Variants in LRRFIP1 observed in about 807,000 individuals in gnomAD.
LRRFIP1 encodes LRR binding FLII interacting protein 1.
LRRFIP1 carries 62 observed loss-of-function variants against 104.4 expected under a neutral mutation model. The observed-to-expected ratio is 0.59, with a 90% CI of 0.48 to 0.73. The LOEUF (loss-of-function observed/expected upper bound fraction) is 0.73. Ranked by LOEUF, LRRFIP1 falls within the 30% of genes least tolerant of loss-of-function variation. The pLI is 0.00. For missense variants in LRRFIP1, 796 were observed against 824.5 expected (o/e 0.97, Z 0.42); for synonymous variants, 300 against 299.0 (o/e 1.00, Z -0.03).
At position 237,627,749 on chromosome 2, in the gene LRRFIP1, T is replaced by G. The variant is rs10184871; in HGVS notation, c.96+9T>G. ...ACCAGATCGCGCGGGAGGTGAGCGC[T>G]CCGGGAGGGCAGCCGGGGGGCGCCG... On this transcript the variant is annotated intron_variant, in intron 1 of 23. Transcript: ENST00000308482. 0.45 allele frequency: 561,234 copies of G among 1,249,464 alleles called. 127,381 individuals carry two copies. Among genetic ancestry groups the G allele is most frequent in the South Asian group, 0.47 (20,499 of 43,370 alleles). 77.4% of individuals were successfully genotyped at this position (1,249,464 alleles called of 1,614,324 possible).
chr2:237,756,245 G>A lies in LRRFIP1; in HGVS notation c.1131+58G>A. 3.1e-6 allele frequency: 4 copies of A among 1,287,148 alleles called. No individual in the cohort carries two copies. The South Asian group carries it at 3.7e-5, about 12-fold the overall frequency. The allele number at this position is 1,287,148 out of a possible 1,614,324, so 79.7% of individuals were successfully genotyped here. A position where few individuals can be genotyped will look rare whatever the true frequency, so the allele number is the denominator to read the frequency against. On this transcript the variant is annotated intron_variant, in intron 16 of 23. Coordinates refer to ENST00000308482, the MANE Select transcript of LRRFIP1 (RefSeq NM_001137550.2). ...TTTTCCCTTTGGAGCATTTTGTCAG[G>A]CCATGACTATCTTAGCTTAGGCTGC...
rs761700707 is a variant in LRRFIP1 at position 237,780,192 on chromosome 2, G to A, written c.*660G>A. 8 of 152,124 alleles carry A rather than the reference G, an allele frequency of 5.3e-5. No individual in the cohort carries two copies. Among genetic ancestry groups the A allele is most frequent in the Non-Finnish European group, 7.3e-5 (5 of 68,032 alleles). 9.4% of individuals were successfully genotyped at this position (152,124 alleles called of 1,614,324 possible). A position where few individuals can be genotyped will look rare whatever the true frequency, so the allele number is the denominator to read the frequency against. ...TTTTTTCCAGGGTAATTAGGCAATAGCTTCACTGAAAATGACAGCTTTTCA... is the reference window on the plus strand; with the variant it reads ...TTTTTTCCAGGGTAATTAGGCAATAACTTCACTGAAAATGACAGCTTTTCA... On this transcript the variant is annotated 3_prime_UTR_variant, in exon 24 of 24. Transcript: ENST00000308482.
rs115234727 is a variant in LRRFIP1, at chr2:237,680,034, C to A, written c.97-28510C>A. On this transcript the variant is annotated intron_variant, in intron 1 of 23. Transcript: ENST00000308482. ...GAAGGACATAGTCAGTTGAAAAATG[C>A]AGAGAGCAATACCTTGTCTCTGAAC... is the stretch of plus-strand genomic sequence containing the variant. Among the ~76,000 whole-genome samples the A allele has an allele frequency of 8.5e-3, 1,301 of 152,318 alleles. 16 individuals carry two copies. The highest frequency in any genetic ancestry group is 0.025 in the African/African-American group (1,058 of 41,560).
At chr2:237,690,662 G>A (rs1395200182) in intron 1 of LRRFIP1, among the ~76,000 whole-genome samples, 4 of 151,748 alleles carry the variant, frequency 2.6e-5, no homozygotes, top group African/African-American at 7.3e-5. Flanking sequence ...GCTGGAACCC[G>A]GGAGGCAGAG....
At chr2:237,752,932 A>T (rs1559790130) in intron 14 of LRRFIP1, among the ~76,000 whole-genome samples, 1 of 152,190 alleles carries the variant, frequency 6.6e-6, no homozygotes, top group East Asian at 1.9e-4. Context: ...GCCTCGAGTG[A>T]TTCTTCAGAA....
chr2:237,723,532 A>G lies in LRRFIP1; in HGVS notation c.346-16A>G, dbSNP rs370740162. 365 of 1,610,754 alleles carry G rather than the reference A, an allele frequency of 2.3e-4. No individual in the cohort carries two copies. Among genetic ancestry groups the G allele is most frequent in the Non-Finnish European group, 3.0e-4 (352 of 1,178,472 alleles). ...TTTGCTGTTGTTTTTTTTTTCTGCCATCTTTCTTCTGACAGTCGCAGCCTG... is the reference window on the plus strand; with the variant it reads ...TTTGCTGTTGTTTTTTTTTTCTGCCGTCTTTCTTCTGACAGTCGCAGCCTG... On this transcript the variant is annotated splice_polypyrimidine_tract_variant and intron_variant, in intron 6 of 23. Transcript: ENST00000308482.
At chr2:237,763,060 A>G in intron 19 of LRRFIP1, 4 of 1,614,240 alleles carry the variant, frequency 2.5e-6, no homozygotes, top group Middle Eastern at 1.6e-4. Context: ...GTGATGACAC[A>G]GTTTATCATG....
chr2:237,629,467 CT>C (rs745503726), intron 1 of LRRFIP1, among the ~76,000 whole-genome samples: 5,185 of 117,196 alleles, frequency 0.044, 326 homozygotes, highest in African/African-American at 0.15. Flanking sequence ...TTTCTTTCTT[CT>C]TTTTTTTTTT....
intron 1 of LRRFIP1, among the ~76,000 whole-genome samples, chr2:237,650,500 CT>C (rs1335928404): frequency 1.3e-5 from 2 of 148,700 alleles, no homozygotes; most frequent in Non-Finnish European, 3.0e-5. Context: ...GAGGACAGCC[CT>C]GGATGGCCGG....
rs1340620552 is a variant in LRRFIP1 at position 237,727,919 on chromosome 2, A to G, written c.428A>G (p.Asn143Ser). 8 of 1,611,710 alleles carry G rather than the reference A, an allele frequency of 5.0e-6. No individual in the cohort carries two copies. The highest frequency in any genetic ancestry group is 6.8e-6 in the Non-Finnish European group (8 of 1,178,866). ...GAATTGTATGGATCACAGTCCCTGA[A>G]TAGAAGATCTGGCAGGGTTAGTATA... Reference protein sequence around the residue: ...DGELYGSQSLNRRSGRPSCLY... With the variant: ...DGELYGSQSLSRRSGRPSCLY... The change falls in exon 8 of 24, where the codon AAT becomes AGT. Residue 143 changes from asparagine (N) to serine (S), a missense_variant. Coordinates refer to ENST00000308482, the MANE Select transcript of LRRFIP1 (RefSeq NM_001137550.2).
intron 15 of LRRFIP1, among the ~76,000 whole-genome samples, chr2:237,755,457 G>A (rs1236468445): frequency 6.6e-6 from 1 of 152,222 alleles, no homozygotes; most frequent in Non-Finnish European, 1.5e-5. Flanking sequence ...GCCTCACCCA[G>A]GCTCTCAGCA....
chr2:237,773,430 C>T (rs1009901772), intron 22 of LRRFIP1, among the ~76,000 whole-genome samples: 1 of 152,080 alleles, frequency 6.6e-6, no homozygotes, highest in African/African-American at 2.4e-5. Flanking sequence ...CTCAGCTACT[C>T]AGGAGGCTGA....
At chr2:237,638,838 C>T (rs1170753258) in intron 1 of LRRFIP1, among the ~76,000 whole-genome samples, 1 of 152,210 alleles carries the variant, frequency 6.6e-6, no homozygotes, top group Non-Finnish European at 1.5e-5. Flanking sequence ...TGACTGCTTA[C>T]ACATGGGGCT....
intron 1 of LRRFIP1, among the ~76,000 whole-genome samples, chr2:237,630,542 C>T (rs4663768): frequency 0.42 from 63,873 of 152,126 alleles, 13,712 homozygotes; most frequent in East Asian, 0.45. Context: ...AAGGTTTGGA[C>T]ATGAGAGAGA....
intron 15 of LRRFIP1, among the ~76,000 whole-genome samples, 180 bp downstream of exon 15, chr2:237,753,659 G>A (rs1249900731): frequency 6.6e-6 from 1 of 152,088 alleles, no homozygotes; most frequent in Non-Finnish European, 1.5e-5. Flanking sequence ...TAGCCAGGTG[G>A]TACATGGCTG....
chr2:237,689,273 A>G (rs546862258), intron 1 of LRRFIP1, among the ~76,000 whole-genome samples: 49 of 152,174 alleles, frequency 3.2e-4, no homozygotes, highest in Non-Finnish European at 6.8e-4. Flanking sequence ...TCTGGGATCT[A>G]AAAACACCAA....
At chr2:237,743,975 C>T (rs902395574) in intron 11 of LRRFIP1, among the ~76,000 whole-genome samples, 3 of 152,182 alleles carry the variant, frequency 2.0e-5, no homozygotes, top group South Asian at 2.1e-4. Context: ...TATCTTCCCT[C>T]GTGTACTCAG....
At chr2:237,659,051 G>A (rs1421777067) in intron 1 of LRRFIP1, among the ~76,000 whole-genome samples, 1 of 151,844 alleles carries the variant, frequency 6.6e-6, no homozygotes, top group Non-Finnish European at 1.5e-5. Flanking sequence ...CAGTAAAAGG[G>A]GCATTTCAAA....
intron 17 of LRRFIP1, among the ~76,000 whole-genome samples, 155 bp from the exon 18 acceptor site, chr2:237,758,574 T>G (rs2150791200): frequency 6.6e-6 from 1 of 152,366 alleles, no homozygotes; most frequent in African/African-American, 2.4e-5. Context: ...AGCTTAATAC[T>G]TGGATTTTGT....
Sources: allele counts gnomAD v4.1 joint callset (sites outside exome capture counted in the v4.1 genomes callset), GRCh38; gene constraint gnomAD v4.1.1; transcripts MANE v1.5; gene names NCBI Gene and HGNC (gene_info 2026-07-23, HGNC 2026-07-21).